Variants in ZMIZ1 observed in about 807,000 individuals in gnomAD.
ZMIZ1 encodes zinc finger MIZ-type containing 1.
ZMIZ1 carries 17 observed loss-of-function variants against 113.9 expected under a neutral mutation model. That is an observed-to-expected ratio of 0.15 (90% CI 0.10 to 0.22). ZMIZ1 has a LOEUF of 0.22. ZMIZ1 is among the 10% of genes least tolerant of loss of function. The probability of loss-of-function intolerance (pLI) is 1.00; values close to 1 mark genes in which losing one functional copy is unlikely to be tolerated. For synonymous variants in ZMIZ1, 607 were observed against 603.1 expected, an observed-to-expected ratio of 1.01 and a Z score of -0.09; for missense variants, 1,059 against 1,477.8, an observed-to-expected ratio of 0.72 and a Z score of 4.65.
At chr10:79,212,341 T>A (rs533123957) in intron 6 of ZMIZ1, among the ~76,000 whole-genome samples, 57 of 152,122 alleles carry the variant, frequency 3.7e-4, no homozygotes, top group African/African-American at 1.1e-3. Context: ...AATTTTTTTT[T>A]AATTTTTTTC....
At chr10:79,262,245 A>C (rs1336129120) in intron 7 of ZMIZ1, among the ~76,000 whole-genome samples, 4 of 152,246 alleles carry the variant, frequency 2.6e-5, no homozygotes, top group Non-Finnish European at 5.9e-5. Context: ...CATCAGCAGC[A>C]CCTGAGACCT....
intron 7 of ZMIZ1, among the ~76,000 whole-genome samples, chr10:79,256,492 G>A (rs1381231920): frequency 6.6e-6 from 1 of 152,188 alleles, no homozygotes; most frequent in East Asian, 1.9e-4. Context: ...AGACCAGCTG[G>A]AGGCCACAGT....
At position 79,302,133 on chromosome 10, in the gene ZMIZ1, A is replaced by G; in HGVS notation, c.2046A>G (p.Val682=). 1 of 1,614,034 alleles carries G rather than the reference A, an allele frequency of 6.2e-7. No individual in the cohort carries two copies. The highest frequency in any genetic ancestry group is 2.2e-5 in the East Asian group (1 of 44,874). The stretch of plus-strand genomic sequence containing the variant: ...CCCACCTCTTCGTGCTGCAGCTGGT[A>G]CACCGGCCCTCCGTCCGCTCTGTGC... ...CCSHLFVLQL[V]HRPSVRSVLQ... Residue 682 remains valine, a synonymous_variant, in exon 18 of 25, where the codon GTA becomes GTG. Transcript: ENST00000334512.
chr10:79,103,433 G>A (rs1323588212), intron 1 of ZMIZ1, among the ~76,000 whole-genome samples: 2 of 152,140 alleles, frequency 1.3e-5, no homozygotes, highest in Admixed American at 6.5e-5. Flanking sequence ...ATCCGCACGC[G>A]GGGAGGGTGA....
At chr10:79,244,393 G>C (rs1414572184) in intron 7 of ZMIZ1, among the ~76,000 whole-genome samples, 2 of 152,246 alleles carry the variant, frequency 1.3e-5, no homozygotes, top group African/African-American at 4.8e-5. Context: ...TAGGGACTAA[G>C]AGGAGGCTGC....
intron 1 of ZMIZ1, among the ~76,000 whole-genome samples, chr10:79,117,287 T>C (rs1017180061): frequency 8.5e-5 from 13 of 152,256 alleles, no homozygotes; most frequent in Admixed American, 2.6e-4. Flanking sequence ...CGCCTCTTGA[T>C]AGGAGGAACT....
intron 7 of ZMIZ1, among the ~76,000 whole-genome samples, chr10:79,265,312 C>T (rs1466577205): frequency 6.6e-6 from 1 of 152,116 alleles, no homozygotes; most frequent in Admixed American, 6.5e-5. Context: ...GGCCGGGAGC[C>T]TGCTTGCAGA....
chr10:79,228,491 G>A (rs1849275556), intron 7 of ZMIZ1, among the ~76,000 whole-genome samples: 1 of 152,214 alleles, frequency 6.6e-6, no homozygotes, highest in African/African-American at 2.4e-5. Flanking sequence ...TCCTTCCCTG[G>A]GATCAGACTC....
chr10:79,161,670 C>T (rs697242), intron 3 of ZMIZ1, among the ~76,000 whole-genome samples: 119,295 of 152,218 alleles, frequency 0.78, 47,043 homozygotes, highest in Middle Eastern at 0.83. Context: ...TCTTTGCTCT[C>T]GTCTGAGTCT....
At chr10:79,087,806 C>T (rs1268892390) in intron 1 of ZMIZ1, among the ~76,000 whole-genome samples, 2 of 152,224 alleles carry the variant, frequency 1.3e-5, no homozygotes, top group Non-Finnish European at 2.9e-5. Flanking sequence ...CAAACTCTGC[C>T]CAAGCCTCAG....
At chr10:79,105,428 C>G (rs1191585784) in intron 1 of ZMIZ1, among the ~76,000 whole-genome samples, 1 of 152,216 alleles carries the variant, frequency 6.6e-6, no homozygotes, top group African/African-American at 2.4e-5. Flanking sequence ...CAGGCTGCCT[C>G]GATCCTGAGA....
chr10:79,072,426 A>G (rs995885514), intron 1 of ZMIZ1, among the ~76,000 whole-genome samples: 14 of 152,178 alleles, frequency 9.2e-5, no homozygotes, highest in African/African-American at 3.4e-4. Flanking sequence ...TGCAGACTTC[A>G]CTTTTTTTCC....
At chr10:79,302,296 G>T in intron 18 of ZMIZ1, 84 bp downstream of exon 18, 1 of 1,411,078 alleles carries the variant, frequency 7.1e-7, no homozygotes, top group Non-Finnish European at 9.9e-7. Context: ...CATTCACCTG[G>T]AACTGACCTT....
At chr10:79,136,919 G>A (rs1845035584) in intron 2 of ZMIZ1, among the ~76,000 whole-genome samples, 1 of 152,106 alleles carries the variant, frequency 6.6e-6, no homozygotes, top group Non-Finnish European at 1.5e-5. Flanking sequence ...TGTTCTAGGT[G>A]GGAGGGGCAG....
intron 2 of ZMIZ1, among the ~76,000 whole-genome samples, chr10:79,123,533 A>C (rs944602726): frequency 6.6e-6 from 1 of 152,298 alleles, no homozygotes; most frequent in South Asian, 2.1e-4. Flanking sequence ...GGCTGTGGCC[A>C]CACAGGAGGG....
chr10:79,177,508 C>T lies in ZMIZ1; in HGVS notation c.-50+15375C>T, dbSNP rs703988. 3.3e-3 allele frequency among the ~76,000 whole-genome samples: 507 copies of T among 152,164 alleles called. 3 individuals carry two copies. The highest frequency in any genetic ancestry group is 0.012 in the African/African-American group (484 of 41,504). On this transcript the variant is annotated intron_variant, in intron 4 of 24. Coordinates refer to ENST00000334512, the MANE Select transcript of ZMIZ1 (RefSeq NM_020338.4). ...ATCCACCCTGCGAGGTGAGAAGGGC[C>T]GGGGGAGATCAGCAGAGCACAGAGA...
chr10:79,267,891 C>G (rs1239234280), intron 7 of ZMIZ1, among the ~76,000 whole-genome samples: 1 of 152,168 alleles, frequency 6.6e-6, no homozygotes, highest in Non-Finnish European at 1.5e-5. Context: ...GACTCAAACC[C>G]CTGTGTCTGC....
chr10:79,267,587 T>G (rs894910250), intron 7 of ZMIZ1, among the ~76,000 whole-genome samples: 1 of 152,190 alleles, frequency 6.6e-6, no homozygotes, highest in Non-Finnish European at 1.5e-5. Context: ...AGAGCTAAAG[T>G]AACTTACCCA....
At chr10:79,147,826 G>A (rs1189624108) in intron 3 of ZMIZ1, among the ~76,000 whole-genome samples, 2 of 152,196 alleles carry the variant, frequency 1.3e-5, no homozygotes, top group African/African-American at 4.8e-5. Flanking sequence ...CTAGGGAGGT[G>A]TGAGCCAGAC....
Sources: allele counts gnomAD v4.1 joint callset (sites outside exome capture counted in the v4.1 genomes callset), GRCh38; gene constraint gnomAD v4.1.1; transcripts MANE v1.5; gene names NCBI Gene and HGNC (gene_info 2026-07-23, HGNC 2026-07-21).